Variants in DTWD2 observed in about 807,000 individuals in gnomAD.
DTWD2 encodes DTW motif tRNA-uridine aminocarboxypropyltransferase 2, also known as tRNA-uridine aminocarboxypropyltransferase 2.
In DTWD2, 39 loss-of-function variants were observed where a neutral mutation model predicts 31.8. The observed-to-expected ratio is 1.22, with a 90% CI of 0.95 to 1.60. DTWD2 has a LOEUF of 1.60. Among genes scored for constraint, DTWD2 ranks in the 40% most tolerant of loss-of-function variants. The probability of loss-of-function intolerance (pLI) is 0.00; values close to 1 mark genes in which losing one functional copy is unlikely to be tolerated. For synonymous variants in DTWD2, 180 were observed against 142.8 expected (o/e 1.26, Z -1.86); for missense variants, 515 against 381.5 (o/e 1.35, Z -2.92).
intron 4 of DTWD2, among the ~76,000 whole-genome samples, chr5:118,875,026 T>C (rs1248650044): frequency 1.3e-5 from 2 of 152,104 alleles, no homozygotes; most frequent in African/African-American, 2.4e-5. Flanking sequence ...ACAGAAACTG[T>C]ACAAGCCAGA....
rs543204177 is a variant in DTWD2 at position 118,888,449 on chromosome 5, A to G, written c.597+40088T>C. ...TGTATCAATAGTGCACTGTTTTTTT[A>G]CTACTTAGTAGTTTTTCATTACATG... On this transcript the variant is annotated intron_variant, in intron 4 of 5. Coordinates refer to ENST00000510708, the MANE Select transcript of DTWD2 (RefSeq NM_173666.4). Among the ~76,000 whole-genome samples the G allele has an allele frequency of 2.6e-5, 4 of 152,222 alleles. No homozygotes were observed. In the East Asian group the frequency reaches 5.8e-4, roughly 22 times the overall value.
At position 118,840,666 on chromosome 5, in the gene DTWD2, G is replaced by C. The variant is rs1751690146; in HGVS notation, c.*251C>G. ...AACAACAAATCATATTTTAAATTTG[G>C]GTTTGAAAACATGTATTAGAGGCAC... On this transcript the variant is annotated 3_prime_UTR_variant, in exon 6 of 6. Transcript: ENST00000510708. The C allele has an allele frequency of 3.8e-6, 1 of 264,856 alleles. No homozygotes were observed. The highest frequency in any genetic ancestry group is 5.3e-5 in the Admixed American group (1 of 18,978). 16.4% of individuals were successfully genotyped at this position (264,856 alleles called of 1,614,324 possible).
intron 4 of DTWD2, among the ~76,000 whole-genome samples, chr5:118,919,381 A>T (rs1230010902): frequency 6.6e-6 from 1 of 152,232 alleles, no homozygotes. Context: ...TTGAAGTATG[A>T]GCAAATGACT....
rs1397890699 is a variant in DTWD2, at chr5:118,838,587, C to T, written c.*2330G>A. 1 of 152,022 alleles carries T rather than the reference C, an allele frequency of 6.6e-6. No individual in the cohort carries two copies. The highest frequency in any genetic ancestry group is 2.4e-5 in the African/African-American group (1 of 41,394). 9.4% of individuals were successfully genotyped at this position (152,022 alleles called of 1,614,324 possible). A position where few individuals can be genotyped will look rare whatever the true frequency, so the allele number is the denominator to read the frequency against. On this transcript the variant is annotated 3_prime_UTR_variant, in exon 6 of 6. Transcript: ENST00000510708. ...TAATGAGAACAGGTGACTAGAGAAG[C>T]ATTTTATACCACAGATGATTAAATG...
intron 4 of DTWD2, among the ~76,000 whole-genome samples, chr5:118,859,207 A>G (rs1443951806): frequency 7.5e-6 from 1 of 134,206 alleles, no homozygotes; most frequent in South Asian, 2.2e-4. Context: ...TTCTTGAAGG[A>G]AAAAAAAAAA....
chr5:118,882,923 T>C (rs1027577104), intron 4 of DTWD2, among the ~76,000 whole-genome samples: 2 of 152,246 alleles, frequency 1.3e-5, no homozygotes, highest in Non-Finnish European at 2.9e-5. Context: ...TTATGCAAAT[T>C]TATGCAGCCA....
At position 118,974,643 on chromosome 5, in the gene DTWD2, T is replaced by C. The variant is rs773964646; in HGVS notation, c.218+13651A>G. 7.9e-6 allele frequency: 4 copies of C among 508,156 alleles called. No homozygotes were observed. The East Asian group carries it at 2.2e-4, about 28-fold the overall frequency. 31.5% of individuals were successfully genotyped at this position (508,156 alleles called of 1,614,324 possible). A position where few individuals can be genotyped will look rare whatever the true frequency, so the allele number is the denominator to read the frequency against. ...TGTATGTACTTAGCTGTACTATAAG[T>C]AGTTGGTTTGTATGAGATGGTTAAA... On this transcript the variant is annotated intron_variant, in intron 1 of 5. Transcript: ENST00000510708.
rs532475242 is a variant in DTWD2 at position 118,964,280 on chromosome 5, A to C, written c.219-19631T>G. The stretch of plus-strand genomic sequence containing the variant: ...TCAGATGTGTTTACTCATTAATGAG[A>C]TATGACTTCAGGATGAGATTGGTTC... On this transcript the variant is annotated intron_variant, in intron 1 of 5. Transcript: ENST00000510708. Among the ~76,000 whole-genome samples the C allele has an allele frequency of 2.6e-5, 4 of 152,210 alleles. No individual in the cohort carries two copies. The East Asian group carries it at 7.7e-4, about 29-fold the overall frequency.
At chr5:118,877,491 A>T (rs531495823) in intron 4 of DTWD2, among the ~76,000 whole-genome samples, 1 of 152,004 alleles carries the variant, frequency 6.6e-6, no homozygotes. Flanking sequence ...AAAAATAAAA[A>T]AAATAAAAAA....
At chr5:118,907,380 T>C (rs375893074) in intron 4 of DTWD2, among the ~76,000 whole-genome samples, 4 of 152,100 alleles carry the variant, frequency 2.6e-5, no homozygotes, top group Admixed American at 1.3e-4. Flanking sequence ...TTATAAGGAA[T>C]TGACACATGA....
chr5:118,966,562 T>C (rs1439481572), intron 1 of DTWD2, among the ~76,000 whole-genome samples: 2 of 152,234 alleles, frequency 1.3e-5, no homozygotes. Flanking sequence ...GTTGATGATA[T>C]GCTATAATGC....
At chr5:118,975,807 T>C (rs1216517503) in intron 1 of DTWD2, among the ~76,000 whole-genome samples, 1 of 152,158 alleles carries the variant, frequency 6.6e-6, no homozygotes, top group Non-Finnish European at 1.5e-5. Context: ...TTAAAAAGGA[T>C]ATGCAGGACT....
intron 1 of DTWD2, among the ~76,000 whole-genome samples, chr5:118,987,208 G>A (rs1371871490): frequency 6.6e-6 from 1 of 152,032 alleles, no homozygotes; most frequent in African/African-American, 2.4e-5. Flanking sequence ...TAAATTAATT[G>A]TATTCACAAA....
chr5:118,964,349 G>A (rs1381782127), intron 1 of DTWD2, among the ~76,000 whole-genome samples: 1 of 152,124 alleles, frequency 6.6e-6, no homozygotes, highest in African/African-American at 2.4e-5. Flanking sequence ...GTCATTTGGT[G>A]GCTGAAAGAG....
chr5:118,841,089 T>C lies in DTWD2; in HGVS notation c.727-2A>G, dbSNP rs1457346371. On this transcript the variant is annotated splice_acceptor_variant, in intron 5 of 5. Coordinates refer to ENST00000510708, the MANE Select transcript of DTWD2 (RefSeq NM_173666.4). LOFTEE classifies it high-confidence loss of function. Reference sequence around the variant, plus strand: ...AGCTTGAAGAGGGCGAAGCAAAGTCTGTCAAGAGAAAAAAGACACTAAAAA... The same window carrying C: ...AGCTTGAAGAGGGCGAAGCAAAGTCCGTCAAGAGAAAAAAGACACTAAAAA... 2 of 1,605,328 alleles carry C rather than the reference T, an allele frequency of 1.2e-6. No homozygotes were observed. The highest frequency in any genetic ancestry group is 3.4e-5 in the Admixed American group (2 of 58,796).
intron 4 of DTWD2, among the ~76,000 whole-genome samples, chr5:118,858,332 T>C (rs1259724891): frequency 6.6e-6 from 1 of 152,222 alleles, no homozygotes; most frequent in Admixed American, 6.5e-5. Flanking sequence ...AGATAAGCTA[T>C]ATAATTTCAA....
At chr5:118,919,483 T>A (rs1197275806) in intron 4 of DTWD2, among the ~76,000 whole-genome samples, 1 of 152,174 alleles carries the variant, frequency 6.6e-6, no homozygotes, top group East Asian at 1.9e-4. Flanking sequence ...CAACACACAA[T>A]CTCAAACTTC....
rs1438967340 is a variant in DTWD2 at position 118,950,003 on chromosome 5, G to A, written c.219-5354C>T. Among the ~76,000 whole-genome samples, 4 of 152,120 alleles carry A rather than the reference G, an allele frequency of 2.6e-5. No homozygotes were observed. The South Asian group carries it at 8.3e-4, about 32-fold the overall frequency. On this transcript the variant is annotated intron_variant, in intron 1 of 5. Coordinates refer to ENST00000510708, the MANE Select transcript of DTWD2 (RefSeq NM_173666.4). ...AGGCGGGCAGATCACGAGGTCAGGA[G>A]ATCGAGACCATCCTGGCTAACATGG...
chr5:118,915,405 C>T (rs1251738260), intron 4 of DTWD2, among the ~76,000 whole-genome samples: 6 of 147,992 alleles, frequency 4.1e-5, no homozygotes, highest in Non-Finnish European at 8.9e-5. Flanking sequence ...GACAGAGTCT[C>T]GCTCTGTCGC....
Sources: allele counts gnomAD v4.1 joint callset (sites outside exome capture counted in the v4.1 genomes callset), GRCh38; gene constraint gnomAD v4.1.1; transcripts MANE v1.5; gene names NCBI Gene and HGNC (gene_info 2026-07-23, HGNC 2026-07-21).